Variants in TSLP observed in about 807,000 individuals in gnomAD.
TSLP encodes thymic stroma-derived lymphopoietin.
A neutral mutation model predicts 12.4 loss-of-function variants in TSLP; 12 were observed. The observed-to-expected ratio is 0.97, with a 90% CI of 0.62 to 1.57. TSLP has a LOEUF of 1.57. Ranked by LOEUF, TSLP falls within the 40% of genes most tolerant of loss-of-function variation. TSLP has a pLI of 0.00. For synonymous variants in TSLP, 97 were observed against 69.5 expected (o/e 1.40, Z -1.97); for missense variants, 222 against 189.6 (o/e 1.17, Z -1.00).
chr5:111,071,581 T>C (rs775210169), upstream of TSLP: 1 of 1,508,900 alleles, frequency 6.6e-7, no homozygotes, highest in South Asian at 1.3e-5. Context: ...ACTCCTTTTT[T>C]TTTTTCCTTT....
intron 2 of TSLP, among the ~76,000 whole-genome samples, 192 bp downstream of exon 2, chr5:111,073,124 AG>A (rs1752387397): frequency 6.6e-6 from 1 of 152,202 alleles, no homozygotes; most frequent in Non-Finnish European, 1.5e-5. Flanking sequence ...GTTCCAATTT[AG>A]GGAGAGGAAG....
intron 2 of TSLP, 32 bp from the exon 3 acceptor site, chr5:111,073,479 C>A: frequency 6.2e-7 from 1 of 1,613,380 alleles, no homozygotes; most frequent in South Asian, 1.1e-5. Flanking sequence ...GTGTTTTCTC[C>A]TTTTCTCGTA....
At chr5:111,073,978 A>G (rs1284938338) in intron 3 of TSLP, among the ~76,000 whole-genome samples, 1 of 152,150 alleles carries the variant, frequency 6.6e-6, no homozygotes, top group Admixed American at 6.5e-5. Context: ...ATTCCCAGGT[A>G]CTCAACCCAG....
At chr5:111,070,791 G>A (rs189331165), upstream of TSLP, 1 of 152,310 alleles carries the variant, frequency 6.6e-6, no homozygotes, top group Non-Finnish European at 1.5e-5. Flanking sequence ...TCTACGCTGC[G>A]CGGGGCTAAG....
At chr5:111,073,968 A>T (rs11241090) in intron 3 of TSLP, among the ~76,000 whole-genome samples, 1 of 152,182 alleles carries the variant, frequency 6.6e-6, no homozygotes, top group Non-Finnish European at 1.5e-5. Flanking sequence ...AAAAATGCCA[A>T]TTCCCAGGTA....
chr5:111,072,327 C>T (rs1268747608), intron 1 of TSLP, among the ~76,000 whole-genome samples: 1 of 152,086 alleles, frequency 6.6e-6, no homozygotes, highest in Non-Finnish European at 1.5e-5. Flanking sequence ...CTATCCTTTG[C>T]TAAAGTGTTA....
upstream of TSLP, chr5:111,071,113 C>G (rs1438732573): frequency 8.7e-6 from 2 of 229,724 alleles, no homozygotes; most frequent in African/African-American, 4.5e-5. Flanking sequence ...TGAGAACAAG[C>G]CACATCAGAT....
rs1477574193 is a variant in TSLP at position 111,073,652 on chromosome 5, C to G, written c.351+7C>G. The G allele has an allele frequency of 1.1e-5, 18 of 1,613,956 alleles. No homozygotes were observed. The highest frequency in any genetic ancestry group is 1.5e-5 in the Non-Finnish European group (18 of 1,179,984). Reference sequence around the variant, plus strand: ...AGGCTATTCGGAAACTCAGGTAAGCCCGAAGCCTCAGACGTTTGCTGTACC... The same window carrying G: ...AGGCTATTCGGAAACTCAGGTAAGCGCGAAGCCTCAGACGTTTGCTGTACC... On this transcript the variant is annotated splice_region_variant and intron_variant, in intron 3 of 3. Coordinates refer to ENST00000344895, the MANE Select transcript of TSLP (RefSeq NM_033035.5).
At chr5:111,074,064 C>T (rs886749483) in intron 3 of TSLP, among the ~76,000 whole-genome samples, 2 of 152,188 alleles carry the variant, frequency 1.3e-5, no homozygotes, top group South Asian at 4.1e-4. Flanking sequence ...AGCAACACCT[C>T]TTGTTCTTAT....
intron 1 of TSLP, among the ~76,000 whole-genome samples, chr5:111,072,588 T>C (rs1752370970): frequency 1.3e-5 from 2 of 152,146 alleles, no homozygotes; most frequent in African/African-American, 4.8e-5. Context: ...ACAGTACAGA[T>C]GCGGACATCC....
chr5:111,071,040 C>A, upstream of TSLP: 1 of 161,138 alleles, frequency 6.2e-6, no homozygotes, highest in Non-Finnish European at 1.4e-5. Flanking sequence ...TAAGGTGCCC[C>A]TAGCCACCAA....
intron 2 of TSLP, among the ~76,000 whole-genome samples, chr5:111,073,139 C>G (rs1316150609): frequency 6.6e-6 from 1 of 152,228 alleles, no homozygotes; most frequent in African/African-American, 2.4e-5. Flanking sequence ...GAGGAAGTCT[C>G]TATCCGGAGG....
upstream of TSLP, chr5:111,071,554 A>G (rs1752338591): frequency 6.5e-7 from 1 of 1,534,134 alleles, no homozygotes; most frequent in Non-Finnish European, 8.8e-7. Context: ...TGATGTTAAA[A>G]TTCCATAGAT....
At chr5:111,073,122 T>A (rs997673970) in intron 2 of TSLP, among the ~76,000 whole-genome samples, 190 bp downstream of exon 2, 1 of 152,164 alleles carries the variant, frequency 6.6e-6, no homozygotes. Flanking sequence ...CTGTTCCAAT[T>A]TAGGGAGAGG....
At chr5:111,070,305 A>G (rs1183267953), upstream of TSLP, 1 of 152,558 alleles carries the variant, frequency 6.6e-6, no homozygotes, top group Non-Finnish European at 1.5e-5. Flanking sequence ...ATGGCCTGTG[A>G]CATTTGCTGG....
chr5:111,070,811 G>A (rs1267667302), upstream of TSLP: 1 of 152,276 alleles, frequency 6.6e-6, no homozygotes, highest in African/African-American at 2.4e-5. Flanking sequence ...GCCTCTGCGA[G>A]GCAGAGCGCA....
chr5:111,072,669 G>A (rs1752373610), intron 1 of TSLP, among the ~76,000 whole-genome samples: 1 of 152,080 alleles, frequency 6.6e-6, no homozygotes, highest in Non-Finnish European at 1.5e-5. Flanking sequence ...GAGGGGGGAG[G>A]TCGCCCTCTG....
Position 111,076,345 on chromosome 5 carries a change from A to T in TSLP, c.*271A>T, listed in dbSNP as rs1441795818. 3 of 364,814 alleles carry T rather than the reference A, an allele frequency of 8.2e-6. No individual in the cohort carries two copies. Among genetic ancestry groups the T allele is most frequent in the Non-Finnish European group, 1.5e-5 (3 of 203,452 alleles). 22.6% of individuals were successfully genotyped at this position (364,814 alleles called of 1,614,324 possible). A position where few individuals can be genotyped will look rare whatever the true frequency, so the allele number is the denominator to read the frequency against. ...GGCTGTAGTTGCATAAGCATTGCTC[A>T]AGAGGAAAATCCAAAAGTGCAGCAG... On this transcript the variant is annotated 3_prime_UTR_variant, in exon 4 of 4. Coordinates refer to ENST00000344895, the MANE Select transcript of TSLP (RefSeq NM_033035.5).
At position 111,076,657 on chromosome 5, in the gene TSLP, C is replaced by G. The variant is rs1752515274; in HGVS notation, c.*583C>G. On this transcript the variant is annotated 3_prime_UTR_variant, in exon 4 of 4. Coordinates refer to ENST00000344895, the MANE Select transcript of TSLP (RefSeq NM_033035.5). ...ATATACAAGTAGATCCTGAGAAGTACCTTTGTTACAGCTACTATAAATATA... is the reference window on the plus strand; with the variant it reads ...ATATACAAGTAGATCCTGAGAAGTAGCTTTGTTACAGCTACTATAAATATA... 1 of 152,146 alleles carries G rather than the reference C, an allele frequency of 6.6e-6. No homozygotes were observed. The highest frequency in any genetic ancestry group is 2.4e-5 in the African/African-American group (1 of 41,412). 9.4% of individuals were successfully genotyped at this position (152,146 alleles called of 1,614,324 possible).
Sources: gnomAD v4.1 joint callset for allele counts (sites outside exome capture counted in the v4.1 genomes callset) on GRCh38, gnomAD v4.1.1 for gene constraint, MANE v1.5 for transcripts, NCBI Gene and HGNC (gene_info 2026-07-23, HGNC 2026-07-21) for gene names.